Variants in KCNIP4 observed in about 807,000 individuals in gnomAD.
KCNIP4 encodes Kv channel-interacting protein 4.
In KCNIP4, 12 loss-of-function variants were observed where a neutral mutation model predicts 34.0. The observed-to-expected ratio is 0.35, with a 90% CI of 0.23 to 0.57. The LOEUF (loss-of-function observed/expected upper bound fraction) is 0.57. KCNIP4 is among the 20% of genes least tolerant of loss of function. The pLI, the probability that KCNIP4 is intolerant of heterozygous loss-of-function variation, is 0.83. For synonymous variants in KCNIP4, 124 were observed against 102.2 expected (o/e 1.21, Z -1.29); for missense variants, 238 against 311.7 (o/e 0.76, Z 1.78).
At chr4:21,405,870 T>C (rs2109569777) in intron 1 of KCNIP4, among the ~76,000 whole-genome samples, 1 of 152,336 alleles carries the variant, frequency 6.6e-6, no homozygotes, top group African/African-American at 2.4e-5. Context: ...AGTTTTGCTC[T>C]CGTTGCCCAT....
At chr4:20,830,677 G>GA (rs1323907682) in intron 3 of KCNIP4, among the ~76,000 whole-genome samples, 2 of 152,112 alleles carry the variant, frequency 1.3e-5, no homozygotes, top group Non-Finnish European at 1.5e-5. Flanking sequence ...CAATAATACA[G>GA]AAAAAATGTA....
intron 2 of KCNIP4, among the ~76,000 whole-genome samples, chr4:20,856,442 G>A (rs1417755642): frequency 1.3e-5 from 2 of 152,242 alleles, no homozygotes; most frequent in Admixed American, 6.5e-5. Flanking sequence ...CCTGGTCATC[G>A]TTCCCACACT....
chr4:20,860,650 G>A (rs1722099303), intron 2 of KCNIP4, among the ~76,000 whole-genome samples: 1 of 152,054 alleles, frequency 6.6e-6, no homozygotes, highest in Non-Finnish European at 1.5e-5. Context: ...TTATTAAATT[G>A]GCCGAATAGT....
At chr4:21,048,756 T>C (rs1742649391) in intron 1 of KCNIP4, among the ~76,000 whole-genome samples, 1 of 152,034 alleles carries the variant, frequency 6.6e-6, no homozygotes, top group Non-Finnish European at 1.5e-5. Flanking sequence ...GACCAAACAA[T>C]ACGGCAGAAG....
chr4:21,363,150 A>C (rs1407672161), intron 1 of KCNIP4, among the ~76,000 whole-genome samples: 1 of 152,186 alleles, frequency 6.6e-6, no homozygotes, highest in African/African-American at 2.4e-5. Flanking sequence ...TAGCTACTGA[A>C]GTTGAAGTCA....
At chr4:21,703,441 T>C (rs1713021405) in intron 1 of KCNIP4, among the ~76,000 whole-genome samples, 2 of 152,180 alleles carry the variant, frequency 1.3e-5, no homozygotes, top group Admixed American at 6.5e-5. Flanking sequence ...GAAACCATCA[T>C]TCTCAGCAAA....
At chr4:21,378,818 T>C (rs573783857) in intron 1 of KCNIP4, among the ~76,000 whole-genome samples, 2 of 152,272 alleles carry the variant, frequency 1.3e-5, no homozygotes, top group African/African-American at 4.8e-5. Context: ...AATTAAAATA[T>C]AGAAAGGAAA....
At chr4:20,854,509 G>A (rs1244135919) in intron 2 of KCNIP4, among the ~76,000 whole-genome samples, 1 of 152,164 alleles carries the variant, frequency 6.6e-6, no homozygotes, top group African/African-American at 2.4e-5. Context: ...GGAGACAGGA[G>A]AGGGATAAAA....
intron 1 of KCNIP4, among the ~76,000 whole-genome samples, chr4:20,938,441 A>G (rs1006021620): frequency 7.9e-5 from 12 of 152,100 alleles, no homozygotes; most frequent in Non-Finnish European, 1.6e-4. Flanking sequence ...AGTCTCCATC[A>G]CTGCTCTGTG....
chr4:20,819,320 A>T (rs1345353965), intron 3 of KCNIP4, among the ~76,000 whole-genome samples: 1 of 152,196 alleles, frequency 6.6e-6, no homozygotes, highest in East Asian at 1.9e-4. Context: ...ATTCAAATTA[A>T]TTGAGGACTG....
chr4:21,317,028 C>T (rs1713836669), intron 1 of KCNIP4, among the ~76,000 whole-genome samples: 1 of 152,050 alleles, frequency 6.6e-6, no homozygotes, highest in African/African-American at 2.4e-5. Flanking sequence ...AAGGTAACAT[C>T]AGTTTGTTCT....
chr4:21,644,264 T>C (rs1171229009), intron 1 of KCNIP4, among the ~76,000 whole-genome samples: 1 of 151,974 alleles, frequency 6.6e-6, no homozygotes, highest in Non-Finnish European at 1.5e-5. Context: ...ACAAATCAAA[T>C]CTAATATTAC....
intron 1 of KCNIP4, among the ~76,000 whole-genome samples, chr4:21,768,552 CTGCTTGTTT>C (rs1315092552): frequency 2.6e-5 from 4 of 152,080 alleles, no homozygotes; most frequent in African/African-American, 9.7e-5. Context: ...GGATTTCTCA[CTGCTTGTTT>C]TGTACTGCCA....
At chr4:21,681,421 C>T (rs980755230) in intron 1 of KCNIP4, among the ~76,000 whole-genome samples, 2 of 152,142 alleles carry the variant, frequency 1.3e-5, no homozygotes. Flanking sequence ...GCTTCTTCAT[C>T]TACACTGAAA....
chr4:21,809,300 GCTC>G (rs1721484648), intron 1 of KCNIP4, among the ~76,000 whole-genome samples: 1 of 152,110 alleles, frequency 6.6e-6, no homozygotes, highest in Non-Finnish European at 1.5e-5. Context: ...GGACACCACA[GCTC>G]CTCATTATCA....
intron 1 of KCNIP4, among the ~76,000 whole-genome samples, chr4:21,676,777 T>C (rs901148601): frequency 6.6e-6 from 1 of 152,144 alleles, no homozygotes; most frequent in East Asian, 1.9e-4. Context: ...AGTTGGAAAA[T>C]ATATGTTATG....
At chr4:20,852,181 C>T (rs1345711521) in intron 2 of KCNIP4, among the ~76,000 whole-genome samples, 1 of 152,000 alleles carries the variant, frequency 6.6e-6, no homozygotes, top group Non-Finnish European at 1.5e-5. Context: ...CAAAAGAGAA[C>T]ACTACAGACT....
intron 1 of KCNIP4, among the ~76,000 whole-genome samples, chr4:20,927,205 T>G (rs571938549): frequency 6.6e-6 from 1 of 152,214 alleles, no homozygotes; most frequent in Admixed American, 6.5e-5. Flanking sequence ...TCTTGAACTC[T>G]TGAACTCGTG....
intron 1 of KCNIP4, among the ~76,000 whole-genome samples, chr4:21,242,853 ATC>A (rs1429979062): frequency 6.6e-6 from 1 of 150,602 alleles, no homozygotes; most frequent in Non-Finnish European, 1.5e-5. Flanking sequence ...AAATAAATAC[ATC>A]TCTTTCTCAC....
Sources: gnomAD v4.1 joint callset for allele counts (sites outside exome capture counted in the v4.1 genomes callset) on GRCh38, gnomAD v4.1.1 for gene constraint, MANE v1.5 for transcripts, NCBI Gene and HGNC (gene_info 2026-07-23, HGNC 2026-07-21) for gene names.